The following KIDINS220 variants were observed in gnomAD, a reference collection of about 807,000 sequenced individuals.
KIDINS220 encodes kinase D-interacting substrate of 220 kDa.
A neutral mutation model predicts 157.6 loss-of-function variants in KIDINS220; 63 were observed. That is an observed-to-expected ratio of 0.40 (90% CI 0.33 to 0.49). KIDINS220 has a LOEUF of 0.49. Among genes scored for constraint, KIDINS220 ranks in the 20% least tolerant of loss-of-function variants. The pLI is 0.66. For missense variants in KIDINS220, 1,772 were observed against 2,171.2 expected, an observed-to-expected ratio of 0.82 and a Z score of 3.65; for synonymous variants, 732 against 783.6, an observed-to-expected ratio of 0.93 and a Z score of 1.10.
intron 26 of KIDINS220, among the ~76,000 whole-genome samples, chr2:8,737,836 G>C (rs920597530): frequency 6.6e-6 from 1 of 152,172 alleles, no homozygotes; most frequent in Non-Finnish European, 1.5e-5. Flanking sequence ...CAAATAACTA[G>C]TTAGTAGTAA....
At chr2:8,826,039 C>T (rs937984628) in intron 2 of KIDINS220, 2 of 151,630 alleles carry the variant, frequency 1.3e-5, no homozygotes, top group African/African-American at 2.4e-5. Context: ...AGCCAAGATC[C>T]TGCCACTGTA....
intron 22 of KIDINS220, among the ~76,000 whole-genome samples, chr2:8,769,284 C>G (rs1472071149): frequency 3.9e-5 from 6 of 152,128 alleles, no homozygotes; most frequent in African/African-American, 1.2e-4. Flanking sequence ...CTCCTGTGCC[C>G]AAGTTTACAA....
chr2:8,828,888 G>A (rs1679210934), intron 1 of KIDINS220, among the ~76,000 whole-genome samples: 1 of 152,172 alleles, frequency 6.6e-6, no homozygotes, highest in South Asian at 2.1e-4. Context: ...AGGTGGAAAG[G>A]AATCATGCCT....
chr2:8,727,310 T>G, downstream of KIDINS220: 1 of 1,010,644 alleles, frequency 9.9e-7, no homozygotes, highest in Non-Finnish European at 1.2e-6. Flanking sequence ...ATGCTCAGTC[T>G]GGAGTGCTGG....
At position 8,729,733 on chromosome 2, in the gene KIDINS220, A is replaced by T; in HGVS notation, c.*987T>A. The T allele has an allele frequency of 1.0e-6, 1 of 984,294 alleles. No homozygotes were observed. Among genetic ancestry groups the T allele is most frequent in the Non-Finnish European group, 1.2e-6 (1 of 828,856 alleles). The allele number at this position is 984,294 out of a possible 1,614,324, so 61.0% of individuals were successfully genotyped here. A position where few individuals can be genotyped will look rare whatever the true frequency, so the allele number is the denominator to read the frequency against. ...TAAAGTCTATCCTAGTATAGAGAGC[A>T]ATGATTTAGTTTTACCTAATTAAAT... On this transcript the variant is annotated 3_prime_UTR_variant, in exon 30 of 30. Transcript: ENST00000256707.
chr2:8,781,153 A>ATATATATAATACAT (rs70946383), intron 17 of KIDINS220, among the ~76,000 whole-genome samples: 1 of 130,410 alleles, frequency 7.7e-6, no homozygotes, highest in African/African-American at 2.8e-5. Context: ...ATATATATAT[A>ATATATATAATACAT]ATATATATAT....
Position 8,750,386 on chromosome 2 carries a change from A to C in KIDINS220, c.3191-51T>G, listed in dbSNP as rs375694449. On this transcript the variant is annotated intron_variant, in intron 23 of 29. Coordinates refer to ENST00000256707, the MANE Select transcript of KIDINS220 (RefSeq NM_020738.4). Reference sequence around the variant, plus strand: ...AGGCAAGAGAAAACAGGACATTAGGAATCAGTCCAATTATCACATTCTTCT... The same window carrying C: ...AGGCAAGAGAAAACAGGACATTAGGCATCAGTCCAATTATCACATTCTTCT... 19 of 1,267,270 alleles carry C rather than the reference A, an allele frequency of 1.5e-5. 1 individual carries two copies. Among genetic ancestry groups the C allele is most frequent in the African/African-American group, 1.2e-4 (8 of 66,914 alleles). 78.5% of individuals were successfully genotyped at this position (1,267,270 alleles called of 1,614,324 possible). A position where few individuals can be genotyped will look rare whatever the true frequency, so the allele number is the denominator to read the frequency against.
intron 21 of KIDINS220, among the ~76,000 whole-genome samples, chr2:8,775,593 T>C (rs1384986856): frequency 6.6e-6 from 1 of 152,208 alleles, no homozygotes; most frequent in Non-Finnish European, 1.5e-5. Flanking sequence ...AAGCCATTGG[T>C]GACCTTGAAA....
chr2:8,811,182 T>C (rs1172055255), intron 6 of KIDINS220, among the ~76,000 whole-genome samples: 2 of 151,908 alleles, frequency 1.3e-5, no homozygotes, highest in Non-Finnish European at 2.9e-5. Context: ...CTTTAAGTAA[T>C]AGCTATTTTC....
At chr2:8,771,757 C>G (rs1197071947) in intron 21 of KIDINS220, among the ~76,000 whole-genome samples, 1 of 152,126 alleles carries the variant, frequency 6.6e-6, no homozygotes, top group East Asian at 1.9e-4. Context: ...TCCTATATCA[C>G]CAGGCCCTCA....
chr2:8,743,575 A>G (rs1665934102), intron 26 of KIDINS220, among the ~76,000 whole-genome samples: 1 of 152,208 alleles, frequency 6.6e-6, no homozygotes, highest in South Asian at 2.1e-4. Flanking sequence ...TTAACTCAAA[A>G]GACCAAATAC....
chr2:8,732,795 C>G (rs960474764), intron 29 of KIDINS220, among the ~76,000 whole-genome samples: 2 of 152,122 alleles, frequency 1.3e-5, no homozygotes, highest in Non-Finnish European at 2.9e-5. Context: ...CAGTGTTACT[C>G]GCTGCCGCCC....
intron 21 of KIDINS220, among the ~76,000 whole-genome samples, chr2:8,771,165 A>G (rs944876254): frequency 3.9e-5 from 6 of 152,210 alleles, no homozygotes; most frequent in African/African-American, 1.4e-4. Context: ...CATTGAGCAG[A>G]ACATCCATTC....
intron 13 of KIDINS220, 117 bp from the exon 14 acceptor site, chr2:8,790,176 C>G (rs2148271185): frequency 3.4e-6 from 3 of 895,122 alleles, no homozygotes; most frequent in Non-Finnish European, 5.0e-6. Context: ...CTTAGTAGGT[C>G]CCTAGATGGA....
chr2:8,779,768 A>G lies in KIDINS220; in HGVS notation c.2276T>C (p.Ile759Thr). The G allele has an allele frequency of 6.2e-7, 1 of 1,614,186 alleles. No homozygotes were observed. The highest frequency in any genetic ancestry group is 8.5e-7 in the Non-Finnish European group (1 of 1,180,000). The change falls in exon 18 of 30, where the codon ATT (isoleucine) becomes ACT (threonine). Residue 759 changes from isoleucine to threonine, a missense_variant. By Grantham distance (89) the Ile-to-Thr change is moderately conservative. Around this residue, in one of 3 missense-constraint regions of KIDINS220, gnomAD observed 725 missense variants for 1,017.1 expected, o/e 0.71. Coordinates refer to ENST00000256707, the MANE Select transcript of KIDINS220 (RefSeq NM_020738.4). Reference protein sequence around the residue: ...VELMARMAKTIDSFTQNQTRL... With the variant: ...VELMARMAKTTDSFTQNQTRL... ...TGTCTGATTCTGAGTGAAGCTGTCA[A>G]TGGTTTTTGCCATCCTGGCCATCAA...
intron 21 of KIDINS220, among the ~76,000 whole-genome samples, chr2:8,774,240 GA>G (rs1200033203): frequency 1.3e-5 from 2 of 150,038 alleles, no homozygotes; most frequent in African/African-American, 4.9e-5. Flanking sequence ...AGGTTGCAGT[GA>G]GCCGAGATCA....
rs776926271 is a variant in KIDINS220, at chr2:8,817,743, A to AT, written c.208-28dup. The AT allele has an allele frequency of 2.0e-6, 3 of 1,477,262 alleles. No homozygotes were observed. In the East Asian group the frequency reaches 6.9e-5, roughly 34 times the overall value. The allele number at this position is 1,477,262 out of a possible 1,614,324, so 91.5% of individuals were successfully genotyped here. A position where few individuals can be genotyped will look rare whatever the true frequency, so the allele number is the denominator to read the frequency against. On this transcript the variant is annotated intron_variant, in intron 3 of 29. Transcript: ENST00000256707. The stretch of plus-strand genomic sequence containing the variant: ...TTGAACATATATTTTAAAAGTTATC[A>AT]TTTTCAAACCAAAAATAACACGTCA...
Position 8,730,926 on chromosome 2 carries a change from C to T in KIDINS220, c.5110G>A (p.Gly1704Arg). 6.2e-7 allele frequency: 1 copy of T among 1,614,160 alleles called. No individual in the cohort carries two copies. The highest frequency in any genetic ancestry group is 8.5e-7 in the Non-Finnish European group (1 of 1,180,016). The change falls in exon 30 of 30, where the codon GGA (glycine) becomes AGA (arginine). Residue 1704 changes from glycine (G) to arginine (R), a missense_variant. By Grantham distance (125) the Gly-to-Arg change is moderately radical. This residue lies in a region of KIDINS220 where 793 missense variants were observed against 885.5 expected (regional missense o/e 0.90). Transcript: ENST00000256707. ...ATGACTTGAGAAGTCTCCCTAATTC[C>T]CTCCATCTCATCGAAATTTTGATTG... ...RANQNFDEME[G>R]IRETSQVILR...
At chr2:8,757,546 C>T (rs1489920575) in intron 22 of KIDINS220, 25 of 1,472,796 alleles carry the variant, frequency 1.7e-5, no homozygotes, top group African/African-American at 9.8e-5. Context: ...CTACCCATTC[C>T]GTTGTCTCAT....
Sources: gnomAD v4.1 joint callset for allele counts (sites outside exome capture counted in the v4.1 genomes callset) on GRCh38, gnomAD v4.1.1 for gene constraint, gnomAD v4.1.1 regional missense constraint, MANE v1.5 for transcripts, NCBI Gene and HGNC (gene_info 2026-07-23, HGNC 2026-07-21) for gene names.